NDUFA10: variants seen among roughly 807,000 people sequenced by gnomAD.
The protein encoded by NDUFA10 is NADH dehydrogenase [ubiquinone] 1 alpha subcomplex subunit 10, mitochondrial.
NDUFA10 carries 40 observed loss-of-function variants against 47.8 expected under a neutral mutation model. The observed-to-expected ratio is 0.84, with a 90% CI of 0.65 to 1.09. NDUFA10 has a LOEUF of 1.09. Ranked by LOEUF, NDUFA10 falls within the 50% of genes least tolerant of loss-of-function variation. The pLI, the probability that NDUFA10 is intolerant of heterozygous loss-of-function variation, is 0.00. For synonymous variants in NDUFA10, 183 were observed against 172.2 expected (o/e 1.06, Z -0.49); for missense variants, 413 against 451.1 (o/e 0.92, Z 0.76).
chr2:239,989,682 T>C lies in NDUFA10; in HGVS notation c.999+392A>G, dbSNP rs1574855103. ...TCCCAAGCTCTGCCTGCCCTCCCTATGTCCTCCCATATGGCCTAAGGGCCT... is the reference window on the plus strand; with the variant it reads ...TCCCAAGCTCTGCCTGCCCTCCCTACGTCCTCCCATATGGCCTAAGGGCCT... On this transcript the variant is annotated intron_variant, in intron 9 of 9. Coordinates refer to ENST00000252711, the MANE Select transcript of NDUFA10 (RefSeq NM_004544.4). Among the ~76,000 whole-genome samples the C allele has an allele frequency of 3.9e-5, 6 of 152,364 alleles. No homozygotes were observed. In the South Asian group the frequency reaches 1.2e-3, roughly 32 times the overall value.
chr2:239,933,383 T>C (rs918550879), intron 4 of NDUFA10, among the ~76,000 whole-genome samples: 2 of 152,118 alleles, frequency 1.3e-5, no homozygotes, highest in Non-Finnish European at 2.9e-5. Context: ...AATAATGATG[T>C]GTCTATACCT....
intron 4 of NDUFA10, among the ~76,000 whole-genome samples, chr2:239,912,199 C>T (rs527360171): frequency 1.3e-5 from 2 of 152,172 alleles, no homozygotes; most frequent in Non-Finnish European, 2.9e-5. Context: ...CTTTGCACCC[C>T]CCTCTGGTCC....
At position 239,947,787 on chromosome 2, in the gene NDUFA10, G is replaced by T. The variant is rs115396009; in HGVS notation, c.294+42287C>A. ...GAGGGATGAGGGCTCCAGGAAGCAC[G>T]GGGTGGTGCCTCAACACGCCCACGG... On this transcript the variant is annotated intron_variant, in intron 4 of 5. Coordinates refer to the NDUFA10 transcript ENST00000419408. Among the ~76,000 whole-genome samples, 1,380 of 152,336 alleles carry T rather than the reference G, an allele frequency of 9.1e-3. 17 individuals are homozygous for T. The highest frequency in any genetic ancestry group is 0.031 in the African/African-American group (1,282 of 41,568).
intron 4 of NDUFA10, among the ~76,000 whole-genome samples, chr2:239,897,245 C>G (rs1453079094): frequency 6.6e-6 from 1 of 152,100 alleles, no homozygotes; most frequent in Non-Finnish European, 1.5e-5. Flanking sequence ...AGATGTAACT[C>G]TATACATTGC....
At chr2:239,936,817 G>A (rs550839642) in intron 4 of NDUFA10, among the ~76,000 whole-genome samples, 7 of 152,288 alleles carry the variant, frequency 4.6e-5, no homozygotes, top group African/African-American at 1.2e-4. Flanking sequence ...GCCAGGCACC[G>A]GGTGTTGCGG....
chr2:239,990,983 T>C (rs1696221722), intron 8 of NDUFA10, among the ~76,000 whole-genome samples: 1 of 152,158 alleles, frequency 6.6e-6, no homozygotes. Context: ...ACAGTCACAT[T>C]CCCATTACTG....
chr2:240,022,233 A>T lies in NDUFA10; in HGVS notation c.183T>A (p.Thr61=). The T allele has an allele frequency of 6.2e-7, 1 of 1,614,144 alleles. No homozygotes were observed. The highest frequency in any genetic ancestry group is 1.1e-5 in the South Asian group (1 of 91,084). ...TTCCAGTACATATATTGCCATCTAC[A>T]GTTATCACTCTGCTGCGTTCTGTCA... ...KRLTERSRVI[T]VDGNICTGKG... Residue 61 remains threonine, a synonymous_variant, in exon 2 of 10, where the codon ACT becomes ACA. Coordinates refer to ENST00000252711, the MANE Select transcript of NDUFA10 (RefSeq NM_004544.4).
intron 9 of NDUFA10, among the ~76,000 whole-genome samples, chr2:239,970,314 C>A (rs1316793984): frequency 6.6e-6 from 1 of 152,086 alleles, no homozygotes; most frequent in Non-Finnish European, 1.5e-5. Flanking sequence ...AAATACTCAA[C>A]AAAATGAAGT....
chr2:239,999,522 T>TAGC (rs1342419159), intron 8 of NDUFA10, among the ~76,000 whole-genome samples: 9 of 152,068 alleles, frequency 5.9e-5, no homozygotes, highest in Admixed American at 2.6e-4. Context: ...GCCTCTTCCA[T>TAGC]AGCAGCAGCA....
At chr2:239,895,313 A>G in exon 5 of NDUFA10, 1 of 466,354 alleles carries the variant, frequency 2.1e-6, no homozygotes, top group South Asian at 1.6e-5. Flanking sequence ...GTCTGCTGGG[A>G]CCTAGAGACG....
intron 4 of NDUFA10, among the ~76,000 whole-genome samples, chr2:240,015,492 T>C (rs1697310792): frequency 6.6e-6 from 1 of 152,270 alleles, no homozygotes; most frequent in Non-Finnish European, 1.5e-5. Context: ...AAGCTGCATT[T>C]ATCCCGTTTC....
At chr2:239,988,824 C>T (rs1207350170) in intron 9 of NDUFA10, among the ~76,000 whole-genome samples, 2 of 151,982 alleles carry the variant, frequency 1.3e-5, no homozygotes, top group Non-Finnish European at 2.9e-5. Context: ...CACATGCACT[C>T]ACACACGTGT....
intron 9 of NDUFA10, among the ~76,000 whole-genome samples, chr2:239,986,504 C>T (rs903641530): frequency 3.9e-5 from 6 of 152,118 alleles, no homozygotes; most frequent in Admixed American, 3.3e-4. Context: ...GAACTGAAGA[C>T]ACTGGTGTGT....
At chr2:239,995,431 A>G (rs1350828210) in intron 8 of NDUFA10, among the ~76,000 whole-genome samples, 1 of 152,230 alleles carries the variant, frequency 6.6e-6, no homozygotes, top group Non-Finnish European at 1.5e-5. Context: ...GAAACTCCAC[A>G]GCAACCACTA....
chr2:239,950,441 G>A (rs1694532255), intron 4 of NDUFA10, among the ~76,000 whole-genome samples: 1 of 152,226 alleles, frequency 6.6e-6, no homozygotes, highest in Non-Finnish European at 1.5e-5. Flanking sequence ...ATGACCTTTG[G>A]AAATCTGAGG....
intron 9 of NDUFA10, among the ~76,000 whole-genome samples, chr2:239,975,642 T>C (rs1695487989): frequency 6.6e-6 from 1 of 152,198 alleles, no homozygotes; most frequent in Non-Finnish European, 1.5e-5. Context: ...TTGTTACCAC[T>C]GCGATCAGCA....
chr2:239,920,225 A>AG lies in NDUFA10; in HGVS notation c.295-24912dup, dbSNP rs537123776. ...GAGGGTTCAGCAGGAAGGTGGGGAG[A>AG]GGGCCCTCCCCAGGAACAGAATACC... On this transcript the variant is annotated intron_variant, in intron 4 of 5. Coordinates refer to the NDUFA10 transcript ENST00000419408. 4.1e-4 allele frequency among the ~76,000 whole-genome samples: 63 copies of AG among 152,280 alleles called. 1 individual carries two copies. Among genetic ancestry groups the AG allele is most frequent in the African/African-American group, 1.4e-3 (59 of 41,576 alleles).
At position 239,958,888 on chromosome 2, in the gene NDUFA10, G is replaced by T; in HGVS notation, c.*2230C>A. On this transcript the variant is annotated 3_prime_UTR_variant, in exon 10 of 10. Transcript: ENST00000252711. ...TTCCTGATCTCCAAAGCACTGAGAA[G>T]TCCAACATGGAATCCTGGAAAATGC... The T allele has an allele frequency of 1.0e-6, 1 of 952,572 alleles. No individual in the cohort carries two copies. Among genetic ancestry groups the T allele is most frequent in the Non-Finnish European group, 1.2e-6 (1 of 800,028 alleles). 59.0% of individuals were successfully genotyped at this position (952,572 alleles called of 1,614,324 possible). A position where few individuals can be genotyped will look rare whatever the true frequency, so the allele number is the denominator to read the frequency against.
chr2:239,977,870 C>A (rs962646026), intron 9 of NDUFA10, among the ~76,000 whole-genome samples: 1 of 152,206 alleles, frequency 6.6e-6, no homozygotes, highest in Non-Finnish European at 1.5e-5. Context: ...GCTCGCAGCA[C>A]CCTGGATGTA....
Sources: gnomAD v4.1 joint callset for allele counts (sites outside exome capture counted in the v4.1 genomes callset) on GRCh38, gnomAD v4.1.1 for gene constraint, MANE v1.5 for transcripts, NCBI Gene and HGNC (gene_info 2026-07-23, HGNC 2026-07-21) for gene names.